Variants in SLC12A8 observed in about 807,000 individuals in gnomAD.
SLC12A8 encodes the protein solute carrier family 12 member 8, also known as cation-chloride cotransporter 9.
In SLC12A8, 69 loss-of-function variants were observed where a neutral mutation model predicts 75.6. The observed-to-expected ratio is 0.91, with a 90% CI of 0.75 to 1.11. The LOEUF is 1.11. SLC12A8 is among the 50% of genes most tolerant of loss of function. SLC12A8 has a pLI of 0.00. For missense variants in SLC12A8, 877 were observed against 896.7 expected (o/e 0.98, Z 0.28); for synonymous variants, 365 against 372.8 (o/e 0.98, Z 0.24).
intron 5 of SLC12A8, among the ~76,000 whole-genome samples, chr3:125,176,624 A>G (rs1934534158): frequency 6.6e-6 from 1 of 152,224 alleles, no homozygotes; most frequent in Non-Finnish European, 1.5e-5. Flanking sequence ...AAACAAATGT[A>G]CAAGAAAAAA....
chr3:125,136,229 G>C (rs969686309), intron 5 of SLC12A8, among the ~76,000 whole-genome samples: 34 of 152,156 alleles, frequency 2.2e-4, no homozygotes, highest in African/African-American at 8.2e-4. Context: ...TCCACAACCT[G>C]GCAACAGCCA....
chr3:125,115,386 G>A (rs1579480496), intron 8 of SLC12A8, among the ~76,000 whole-genome samples: 1 of 152,120 alleles, frequency 6.6e-6, no homozygotes, highest in African/African-American at 2.4e-5. Context: ...AGCCAGGCAT[G>A]GTGGCATGTG....
intron 6 of SLC12A8, among the ~76,000 whole-genome samples, chr3:125,129,090 G>C (rs1013121067): frequency 6.6e-6 from 1 of 152,184 alleles, no homozygotes; most frequent in East Asian, 1.9e-4. Flanking sequence ...ACATTTTTTC[G>C]TGCTGGGTGT....
intron 2 of SLC12A8, among the ~76,000 whole-genome samples, chr3:125,203,088 CAAA>C (rs758212012): frequency 9.2e-4 from 81 of 88,440 alleles, no homozygotes; most frequent in African/African-American, 9.2e-4. Flanking sequence ...GACTTCATCT[CAAA>C]AAAAAAAAAA....
At chr3:125,181,570 C>T (rs567362410) in intron 4 of SLC12A8, among the ~76,000 whole-genome samples, 8 of 134,650 alleles carry the variant, frequency 5.9e-5, no homozygotes, top group Non-Finnish European at 1.1e-4. Context: ...CACTGCAGTC[C>T]GCAGTCCGGC....
At chr3:125,088,425 G>C (rs1938514316) in intron 12 of SLC12A8, 55 bp from the exon 13 acceptor site, 2 of 1,537,394 alleles carry the variant, frequency 1.3e-6, no homozygotes, top group African/African-American at 2.7e-5. Context: ...AAGGCATCTA[G>C]AAGCTCAGTT....
At chr3:125,104,610 T>C (rs534223061) in intron 10 of SLC12A8, among the ~76,000 whole-genome samples, 3 of 151,932 alleles carry the variant, frequency 2.0e-5, no homozygotes, top group African/African-American at 7.2e-5. Context: ...TGCTACCTTA[T>C]CTCTCCTTCT....
chr3:125,212,733 C>A lies in SLC12A8; in HGVS notation c.-79G>T. 6.5e-6 allele frequency: 1 copy of A among 153,444 alleles called. No homozygotes were observed. The highest frequency in any genetic ancestry group is 1.4e-5 in the Non-Finnish European group (1 of 69,040). 9.5% of individuals were successfully genotyped at this position (153,444 alleles called of 1,614,324 possible). A position where few individuals can be genotyped will look rare whatever the true frequency, so the allele number is the denominator to read the frequency against. On this transcript the variant is annotated 5_prime_UTR_variant, in exon 1 of 14. Coordinates refer to ENST00000469902, the MANE Select transcript of SLC12A8 (RefSeq NM_024628.6). ...GGGACAGCCAGCTCCCAGCGCCCGG[C>A]CCGCCCGGTCCCCGCCCCGCCGCCA... is the stretch of plus-strand genomic sequence containing the variant.
chr3:125,121,023 C>A (rs1467112303), intron 6 of SLC12A8: 2 of 627,428 alleles, frequency 3.2e-6, no homozygotes, highest in African/African-American at 1.9e-5. Context: ...TGAGCTGGGA[C>A]AATGCCCTGG....
At position 125,107,442 on chromosome 3, in the gene SLC12A8, C is replaced by T. The variant is rs911015855; in HGVS notation, c.1705+39G>A. 1.9e-6 allele frequency: 3 copies of T among 1,552,158 alleles called. No individual in the cohort carries two copies. In the African/African-American group the frequency reaches 4.1e-5, roughly 21 times the overall value. On this transcript the variant is annotated intron_variant, in intron 10 of 13. Transcript: ENST00000469902. ...GTAGGTAGGATAATCAGTGGTCATCCCCAAATAAGAGGCCCCAGTGTGATA... is the reference window on the plus strand; with the variant it reads ...GTAGGTAGGATAATCAGTGGTCATCTCCAAATAAGAGGCCCCAGTGTGATA...
intron 13 of SLC12A8, among the ~76,000 whole-genome samples, chr3:125,087,383 A>G (rs186481004): frequency 2.6e-4 from 40 of 152,186 alleles, no homozygotes; most frequent in African/African-American, 9.6e-4. Context: ...GTAAGCCACC[A>G]CGCCCAGCCC....
At chr3:125,092,061 C>T (rs1396748826) in intron 11 of SLC12A8, 40 bp downstream of exon 11, 1 of 1,456,918 alleles carries the variant, frequency 6.9e-7, no homozygotes, top group Non-Finnish European at 9.6e-7. Context: ...CACCTGAACT[C>T]TGTCCCAAGA....
At chr3:125,204,668 AG>A (rs1475055255) in intron 2 of SLC12A8, among the ~76,000 whole-genome samples, 1 of 152,178 alleles carries the variant, frequency 6.6e-6, no homozygotes, top group African/African-American at 2.4e-5. Context: ...ATAGCAAAGA[AG>A]GGTAACTATA....
intron 13 of SLC12A8, 188 bp downstream of exon 13, chr3:125,088,122 C>A (rs549020867): frequency 3.4e-6 from 2 of 589,896 alleles, no homozygotes; most frequent in East Asian, 2.8e-5. Context: ...TTCTGATGAG[C>A]CGAATCTGGG....
chr3:125,100,870 G>A lies in SLC12A8; in HGVS notation c.1705+6611C>T, dbSNP rs1048553426. On this transcript the variant is annotated intron_variant, in intron 10 of 13. Coordinates refer to ENST00000469902, the MANE Select transcript of SLC12A8 (RefSeq NM_024628.6). ...CTACTAAAAATACAAAAAATTAGCC[G>A]GGCGCGGTGGCGGGCGCCTGTAGTC... is the stretch of plus-strand genomic sequence containing the variant. Among the ~76,000 whole-genome samples the A allele has an allele frequency of 8.8e-5, 13 of 148,340 alleles. No homozygotes were observed. The East Asian group carries it at 2.0e-3, about 23-fold the overall frequency.
chr3:125,114,215 T>C (rs1210502261), intron 8 of SLC12A8, among the ~76,000 whole-genome samples: 1 of 152,174 alleles, frequency 6.6e-6, no homozygotes, highest in Non-Finnish European at 1.5e-5. Context: ...CAGGACTGTG[T>C]CCACGATGGA....
chr3:125,204,214 CCAGCAATCCCACTGTGGGTA>C (rs1935183674), intron 2 of SLC12A8, among the ~76,000 whole-genome samples: 1 of 152,170 alleles, frequency 6.6e-6, no homozygotes, highest in African/African-American at 2.4e-5. Context: ...ACCATATGAT[CCAGCAATCCCACTGTGGGTA>C]CTTATCCAAA....
At chr3:125,202,415 A>AC (rs1230230712) in intron 2 of SLC12A8, among the ~76,000 whole-genome samples, 1 of 152,200 alleles carries the variant, frequency 6.6e-6, no homozygotes, top group Non-Finnish European at 1.5e-5. Context: ...GAGTAAAAGC[A>AC]CCACCTAATG....
chr3:125,132,124 C>T (rs1299620082), intron 6 of SLC12A8, among the ~76,000 whole-genome samples: 1 of 152,194 alleles, frequency 6.6e-6, no homozygotes, highest in East Asian at 1.9e-4. Context: ...TGTCTGGGTA[C>T]TGTTTAAAAC....
Sources: gnomAD v4.1 joint callset for allele counts (sites outside exome capture counted in the v4.1 genomes callset) on GRCh38, gnomAD v4.1.1 for gene constraint, MANE v1.5 for transcripts, NCBI Gene and HGNC (gene_info 2026-07-23, HGNC 2026-07-21) for gene names.